The following ATP8A2 variants were observed in gnomAD, a reference collection of about 807,000 sequenced individuals.
The protein encoded by ATP8A2 is ATPase phospholipid transporting 8A2.
A neutral mutation model predicts 165.6 loss-of-function variants in ATP8A2; 100 were observed. That is an observed-to-expected ratio of 0.60 (90% confidence interval 0.51 to 0.71). The LOEUF is 0.71. Ranked by LOEUF, ATP8A2 falls within the 30% of genes least tolerant of loss-of-function variation. The pLI is 0.00. For synonymous variants in ATP8A2, 543 were observed against 548.8 expected, an observed-to-expected ratio of 0.99 and a Z score of 0.15; for missense variants, 1,227 against 1,479.5, an observed-to-expected ratio of 0.83 and a Z score of 2.80.
At chr13:25,739,557 A>C in intron 25 of ATP8A2, among the ~76,000 whole-genome samples, 1 of 152,162 alleles carries the variant, frequency 6.6e-6, no homozygotes, top group Non-Finnish European at 1.5e-5. Flanking sequence ...AATAAATTCA[A>C]CTTGTCTTGG....
intron 1 of ATP8A2, among the ~76,000 whole-genome samples, chr13:25,453,258 C>G (rs1318180107): frequency 6.6e-6 from 1 of 151,726 alleles, no homozygotes; most frequent in African/African-American, 2.4e-5. Context: ...TCCCGAGTAG[C>G]TGGGATTACA....
rs117173837 is a variant in ATP8A2, at chr13:25,899,353, C to G, written c.3183+36945C>G. ...CCTTGTGGTGTGACATGCCACAACT[C>G]ATTTAACCCCCTGCCTGGGTATGTC... On this transcript the variant is annotated intron_variant, in intron 33 of 36. Transcript: ENST00000381655. Among the ~76,000 whole-genome samples the G allele has an allele frequency of 4.1e-4, 62 of 152,314 alleles. No homozygotes were observed. In the East Asian group the frequency reaches 0.011, roughly 28 times the overall value.
At position 25,750,814 on chromosome 13, in the gene ATP8A2, A is replaced by G. The variant is rs529012092; in HGVS notation, c.2385-18232A>G. 6.9e-6 allele frequency among the ~76,000 whole-genome samples: 1 copy of G among 145,900 alleles called. No individual in the cohort carries two copies. The highest frequency in any genetic ancestry group is 2.3e-4 in the South Asian group (1 of 4,338). On this transcript the variant is annotated intron_variant, in intron 25 of 36. Transcript: ENST00000381655. The surrounding 1 kb of genome is among the most constrained non-coding windows in gnomAD (Gnocchi z 4.3). ...GAGTTGCTTGGGGAAAAAAAAAAGG[A>G]ATCTTTTTGGAATTACACGTGTAGT...
intron 33 of ATP8A2, among the ~76,000 whole-genome samples, chr13:25,956,476 A>G (rs1435896519): frequency 6.6e-6 from 1 of 152,228 alleles, no homozygotes; most frequent in East Asian, 1.9e-4. Flanking sequence ...TACACCCATA[A>G]CAGACAAACA....
At chr13:25,568,359 G>A (rs1291973856) in intron 16 of ATP8A2, among the ~76,000 whole-genome samples, 1 of 152,138 alleles carries the variant, frequency 6.6e-6, no homozygotes, top group South Asian at 2.1e-4. Flanking sequence ...ACTTATATAC[G>A]TATATGATTT....
intron 24 of ATP8A2, among the ~76,000 whole-genome samples, chr13:25,619,324 ACT>A (rs1257158461): frequency 1.3e-5 from 2 of 152,090 alleles, no homozygotes; most frequent in Non-Finnish European, 2.9e-5. Flanking sequence ...GGACCCTCAG[ACT>A]CTACATTTCT....
chr13:25,617,081 A>T (rs1421603927), intron 24 of ATP8A2, among the ~76,000 whole-genome samples: 1 of 152,236 alleles, frequency 6.6e-6, no homozygotes, highest in Non-Finnish European at 1.5e-5. Flanking sequence ...GTAAAGTTTA[A>T]TTACAGTTTT....
chr13:25,994,406 A>G (rs138423532), intron 35 of ATP8A2, among the ~76,000 whole-genome samples: 17 of 152,226 alleles, frequency 1.1e-4, no homozygotes, highest in Non-Finnish European at 2.5e-4. Context: ...AACTTCTAGC[A>G]CAGTGTTGAA....
chr13:25,871,793 A>T (rs950288939), intron 33 of ATP8A2, among the ~76,000 whole-genome samples: 2 of 152,214 alleles, frequency 1.3e-5, no homozygotes, highest in African/African-American at 2.4e-5. Context: ...TTGGCTAAAG[A>T]CAAGAAAGAG....
chr13:25,704,665 A>T (rs1239971035), intron 25 of ATP8A2, among the ~76,000 whole-genome samples: 2 of 152,150 alleles, frequency 1.3e-5, no homozygotes, highest in African/African-American at 4.8e-5. Context: ...GCATGGTTTT[A>T]TATCTAGGGG....
At chr13:25,959,268 G>A (rs1314481759) in intron 33 of ATP8A2, among the ~76,000 whole-genome samples, 1 of 152,192 alleles carries the variant, frequency 6.6e-6, no homozygotes, top group East Asian at 1.9e-4. Flanking sequence ...AACAGGAAAT[G>A]GAGATACACA....
chr13:25,449,691 A>C (rs1043416093), intron 1 of ATP8A2, among the ~76,000 whole-genome samples: 2 of 152,162 alleles, frequency 1.3e-5, no homozygotes, highest in African/African-American at 4.8e-5. Context: ...TTCTATTTCA[A>C]CTTGCAGATC....
At chr13:25,708,034 G>C (rs952497661) in intron 25 of ATP8A2, among the ~76,000 whole-genome samples, 1 of 152,168 alleles carries the variant, frequency 6.6e-6, no homozygotes, top group African/African-American at 2.4e-5. Flanking sequence ...GACTTTTCCT[G>C]TGTTTCTTTT....
intron 24 of ATP8A2, among the ~76,000 whole-genome samples, chr13:25,679,931 A>G (rs1399500957): frequency 1.3e-5 from 2 of 152,180 alleles, no homozygotes; most frequent in Non-Finnish European, 2.9e-5. Context: ...AGTTCAAGGT[A>G]GTTGGAGAGG....
intron 24 of ATP8A2, among the ~76,000 whole-genome samples, chr13:25,678,636 G>A (rs570752113): frequency 2.6e-5 from 4 of 152,266 alleles, no homozygotes; most frequent in African/African-American, 9.6e-5. Context: ...CAGCACACGT[G>A]TTATGCAGCA....
Position 25,452,809 on chromosome 13 carries a change from G to A in ATP8A2, c.77-16168G>A, listed in dbSNP as rs929934069. 5.9e-5 allele frequency among the ~76,000 whole-genome samples: 9 copies of A among 152,040 alleles called. 1 individual carries two copies. The South Asian group carries it at 1.0e-3, about 17-fold the overall frequency. ...AAACTTTTGAATTAAAAATAACTTA[G>A]GGTAGGCTGGGAGGATCGCTCACAT... On this transcript the variant is annotated intron_variant, in intron 1 of 36. Transcript: ENST00000381655.
chr13:25,655,039 A>G (rs1432806863), intron 24 of ATP8A2, among the ~76,000 whole-genome samples: 1 of 152,184 alleles, frequency 6.6e-6, no homozygotes, highest in Non-Finnish European at 1.5e-5. Context: ...GTTTTTTTAC[A>G]AGTGGTTGGT....
chr13:25,503,497 C>T (rs2036922758), intron 2 of ATP8A2, among the ~76,000 whole-genome samples: 1 of 152,116 alleles, frequency 6.6e-6, no homozygotes, highest in Admixed American at 6.5e-5. Flanking sequence ...TGGTGCTACC[C>T]TTGGGCATTT....
At chr13:25,659,013 T>C (rs1180700702) in intron 24 of ATP8A2, among the ~76,000 whole-genome samples, 1 of 152,288 alleles carries the variant, frequency 6.6e-6, no homozygotes, top group Admixed American at 6.5e-5. Context: ...ATATTAAAGG[T>C]AGCAGGGCCT....
Sources: gnomAD v4.1 joint callset for allele counts (sites outside exome capture counted in the v4.1 genomes callset) on GRCh38, gnomAD v4.1.1 for gene constraint, Gnocchi (gnomAD v3.1) non-coding constraint, MANE v1.5 for transcripts, NCBI Gene and HGNC (gene_info 2026-07-23, HGNC 2026-07-21) for gene names.